GALNTL6: variants seen among roughly 807,000 people sequenced by gnomAD.
GALNTL6 encodes the protein polypeptide N-acetylgalactosaminyltransferase like 6, also known as polypeptide N-acetylgalactosaminyltransferase-like 6.
A neutral mutation model predicts 73.7 loss-of-function variants in GALNTL6; 46 were observed. That is an observed-to-expected ratio of 0.62 (90% CI 0.49 to 0.80). The LOEUF (loss-of-function observed/expected upper bound fraction) is 0.80, where lower values mean the gene tolerates loss of function less well. Ranked by LOEUF, GALNTL6 falls within the 30% of genes least tolerant of loss-of-function variation. The pLI, the probability that GALNTL6 is intolerant of heterozygous loss-of-function variation, is 0.00. For missense variants in GALNTL6, 604 were observed against 755.0 expected (o/e 0.80, Z 2.34); for synonymous variants, 259 against 263.7 (o/e 0.98, Z 0.17).
chr4:172,255,333 A>G (rs559557557), intron 3 of GALNTL6, among the ~76,000 whole-genome samples: 1 of 67,372 alleles, frequency 1.5e-5, no homozygotes, highest in East Asian at 2.6e-4. Flanking sequence ...AGACAGAAAA[A>G]TCATTGGTAG....
rs191028767 is a variant in GALNTL6, at chr4:172,361,932, C to T, written c.553+13243C>T. Reference sequence around the variant, plus strand: ...GGAAATTGAGTTTCTACATGTAAAGCTATTTGATCTTGGCTTGGTACAAAG... The same window carrying T: ...GGAAATTGAGTTTCTACATGTAAAGTTATTTGATCTTGGCTTGGTACAAAG... On this transcript the variant is annotated intron_variant, in intron 5 of 12. Coordinates refer to ENST00000506823, the MANE Select transcript of GALNTL6 (RefSeq NM_001034845.3). Among the ~76,000 whole-genome samples the T allele has an allele frequency of 8.2e-4, 125 of 152,198 alleles. 1 individual carries two copies. The South Asian group carries it at 0.016, about 19-fold the overall frequency.
intron 5 of GALNTL6, among the ~76,000 whole-genome samples, chr4:172,503,121 A>T (rs973090534): frequency 1.3e-5 from 2 of 152,222 alleles, no homozygotes; most frequent in East Asian, 3.9e-4. Flanking sequence ...GTGATGTGGC[A>T]TTAAAGTACT....
At position 172,515,454 on chromosome 4, in the gene GALNTL6, G is replaced by A. The variant is rs530487163; in HGVS notation, c.553+166765G>A. Among the ~76,000 whole-genome samples the A allele has an allele frequency of 1.2e-4, 19 of 152,256 alleles. No homozygotes were observed. In the South Asian group the frequency reaches 2.1e-3, roughly 17 times the overall value. ...TGTGGTCTTGAGATTTACACAGTCC[G>A]GATTCTCCGAATATTTAGGCTTCTC... On this transcript the variant is annotated intron_variant, in intron 5 of 12. Transcript: ENST00000506823.
At chr4:172,476,119 C>G (rs1332184783) in intron 5 of GALNTL6, among the ~76,000 whole-genome samples, 3 of 152,180 alleles carry the variant, frequency 2.0e-5, no homozygotes, top group Non-Finnish European at 2.9e-5. Context: ...TTGGTCCATT[C>G]CAGATGCTAA....
chr4:172,754,140 T>C (rs976822241), intron 5 of GALNTL6, among the ~76,000 whole-genome samples: 2 of 152,102 alleles, frequency 1.3e-5, no homozygotes, highest in African/African-American at 4.8e-5. Flanking sequence ...GTAGGTCTTC[T>C]TATCACTCAA....
chr4:171,962,132 G>T (rs1382639854), intron 2 of GALNTL6, among the ~76,000 whole-genome samples: 1 of 152,068 alleles, frequency 6.6e-6, no homozygotes, highest in South Asian at 2.1e-4. Context: ...GAATATCATC[G>T]CCCCTATCCA....
intron 9 of GALNTL6, among the ~76,000 whole-genome samples, chr4:172,948,715 C>A (rs1749295595): frequency 6.6e-6 from 1 of 151,570 alleles, no homozygotes. Flanking sequence ...AGGTGATCCA[C>A]CTGCCTCAGC....
rs1334248278 is a variant in GALNTL6, at chr4:172,267,932, C to CTT, written c.247+38171_247+38172dup. Among the ~76,000 whole-genome samples, 3 of 152,246 alleles carry CTT rather than the reference C, an allele frequency of 2.0e-5. No homozygotes were observed. In the East Asian group the frequency reaches 5.8e-4, roughly 29 times the overall value. On this transcript the variant is annotated intron_variant, in intron 3 of 12. Transcript: ENST00000506823. ...AAGAATACAGTAGAGCAAGATGTTA[C>CTT]TTTTCTGTTTCTGTAATTATGCTGA...
rs1455249726 is a variant in GALNTL6 at position 172,996,236 on chromosome 4, C to A, written c.1372-12942C>A. ...AAAAAAAATGAGATCATGTCCTTTG[C>A]AGGGACATGGATGAAGCTGGAGGCC... On this transcript the variant is annotated intron_variant, in intron 10 of 12. Transcript: ENST00000506823. Among the ~76,000 whole-genome samples the A allele has an allele frequency of 2.6e-5, 4 of 152,098 alleles. No individual in the cohort carries two copies. The East Asian group carries it at 5.8e-4, about 22-fold the overall frequency.
intron 5 of GALNTL6, among the ~76,000 whole-genome samples, chr4:172,721,209 A>T (rs1336517322): frequency 6.6e-6 from 1 of 152,246 alleles, no homozygotes; most frequent in Admixed American, 6.5e-5. Context: ...AGAGATTCTA[A>T]CCCAAGATAG....
intron 2 of GALNTL6, among the ~76,000 whole-genome samples, chr4:172,062,568 G>A (rs186475290): frequency 7.9e-4 from 121 of 152,342 alleles, no homozygotes; most frequent in Middle Eastern, 6.8e-3. Flanking sequence ...GGTTGGTCGT[G>A]AATTAAAGGC....
chr4:172,090,509 G>T (rs1005949713), intron 2 of GALNTL6, among the ~76,000 whole-genome samples: 6 of 152,156 alleles, frequency 3.9e-5, no homozygotes, highest in African/African-American at 1.4e-4. Flanking sequence ...CTTTTGAGAA[G>T]TGTCTGTTCA....
intron 7 of GALNTL6, among the ~76,000 whole-genome samples, chr4:172,845,081 G>A (rs1032073295): frequency 1.3e-5 from 2 of 151,824 alleles, no homozygotes; most frequent in Non-Finnish European, 2.9e-5. Context: ...AGCTGGGCGT[G>A]GTGGCATGCG....
chr4:172,027,522 GTC>G (rs1236521957), intron 2 of GALNTL6, among the ~76,000 whole-genome samples: 2 of 151,246 alleles, frequency 1.3e-5, no homozygotes, highest in African/African-American at 2.4e-5. Flanking sequence ...GCCATTCCCT[GTC>G]TCTCTCTCTC....
At chr4:172,854,065 A>G (rs1033770094) in intron 7 of GALNTL6, among the ~76,000 whole-genome samples, 1 of 151,958 alleles carries the variant, frequency 6.6e-6, no homozygotes, top group Admixed American at 6.6e-5. Context: ...CACTGCAGGT[A>G]TTCTATATTT....
intron 2 of GALNTL6, among the ~76,000 whole-genome samples, chr4:171,817,038 C>T (rs1734542514): frequency 6.6e-6 from 1 of 151,932 alleles, no homozygotes; most frequent in African/African-American, 2.4e-5. Flanking sequence ...TTCTATTTAG[C>T]AATTAATTTT....
At chr4:171,931,342 C>T (rs875802) in intron 2 of GALNTL6, among the ~76,000 whole-genome samples, 64,769 of 151,926 alleles carry the variant, frequency 0.43, 16,368 homozygotes, top group Admixed American at 0.58. Flanking sequence ...CCACCACAAC[C>T]GGCCCAGCTT....
At chr4:172,303,563 A>T (rs1245221517) in intron 3 of GALNTL6, among the ~76,000 whole-genome samples, 3 of 152,114 alleles carry the variant, frequency 2.0e-5, no homozygotes, top group African/African-American at 7.2e-5. Context: ...AATAAATTGT[A>T]TTGTGTATAT....
At chr4:172,218,232 A>G (rs181874261) in intron 2 of GALNTL6, among the ~76,000 whole-genome samples, 1 of 152,262 alleles carries the variant, frequency 6.6e-6, no homozygotes, top group East Asian at 1.9e-4. Context: ...GTCCTTAGGA[A>G]AATGACCTTT....
Sources: allele counts gnomAD v4.1 joint callset (sites outside exome capture counted in the v4.1 genomes callset), GRCh38; gene constraint gnomAD v4.1.1; transcripts MANE v1.5; gene names NCBI Gene and HGNC (gene_info 2026-07-23, HGNC 2026-07-21).